The following FRMD4A variants were observed in gnomAD, a reference collection of about 807,000 sequenced individuals.
FRMD4A encodes the protein FERM domain containing 4A.
Under a neutral mutation model 129.1 loss-of-function variants are expected in FRMD4A, and 29 were observed. The observed-to-expected ratio is 0.22, with a 90% CI of 0.17 to 0.31. The LOEUF (loss-of-function observed/expected upper bound fraction) is 0.31, where lower values mean the gene tolerates loss of function less well. Among genes scored for constraint, FRMD4A ranks in the 10% least tolerant of loss-of-function variants. The probability of loss-of-function intolerance (pLI) is 1.00; values close to 1 mark genes in which losing one functional copy is unlikely to be tolerated. For missense variants in FRMD4A, 1,272 were observed against 1,375.8 expected (o/e 0.92, Z 1.19); for synonymous variants, 634 against 571.6 (o/e 1.11, Z -1.56).
intron 6 of FRMD4A, among the ~76,000 whole-genome samples, chr10:13,764,520 AAC>A (rs1180235085): frequency 6.6e-6 from 1 of 151,472 alleles, no homozygotes; most frequent in East Asian, 1.9e-4. Flanking sequence ...CAAACAAACA[AAC>A]AAACAAACAA....
rs576363204 is a variant in FRMD4A at position 14,010,255 on chromosome 10, G to C, written c.46-151343C>G. Among the ~76,000 whole-genome samples the C allele has an allele frequency of 7.9e-5, 12 of 152,302 alleles. No homozygotes were observed. The South Asian group carries it at 2.5e-3, about 32-fold the overall frequency. The stretch of plus-strand genomic sequence containing the variant: ...TCCTGTTTCCCAGGGGTATTAATGA[G>C]TGTTTCACTGTGGAGCTTAGGCTTA... On this transcript the variant is annotated intron_variant, in intron 2 of 24. Transcript: ENST00000357447.
chr10:14,171,471 C>T (rs1841472827), intron 2 of FRMD4A, among the ~76,000 whole-genome samples: 1 of 152,228 alleles, frequency 6.6e-6, no homozygotes, highest in African/African-American at 2.4e-5. Flanking sequence ...AGGCCAGCTG[C>T]CACCCTGTCT....
At chr10:13,914,682 G>A (rs2094979832) in intron 2 of FRMD4A, among the ~76,000 whole-genome samples, 1 of 152,080 alleles carries the variant, frequency 6.6e-6, no homozygotes, top group African/African-American at 2.4e-5. Flanking sequence ...CTACTTACGT[G>A]TAGGAGGAGA....
intron 2 of FRMD4A, among the ~76,000 whole-genome samples, chr10:13,884,182 A>ACACGCT (rs1731136973): frequency 1.8e-5 from 1 of 56,380 alleles, no homozygotes; most frequent in African/African-American, 5.8e-5. Context: ...ACACTCACAC[A>ACACGCT]CACACACACA....
At chr10:13,778,385 C>A (rs774778705) in intron 6 of FRMD4A, among the ~76,000 whole-genome samples, 1 of 152,084 alleles carries the variant, frequency 6.6e-6, no homozygotes, top group African/African-American at 2.4e-5. Context: ...CGGCAAAACC[C>A]CAAAATGCTG....
intron 2 of FRMD4A, among the ~76,000 whole-genome samples, chr10:14,287,365 A>G (rs146882907): frequency 4.6e-4 from 70 of 152,286 alleles, no homozygotes; most frequent in African/African-American, 1.6e-3. Context: ...TCCTTTTTGT[A>G]TCCTCTCATG....
At chr10:13,780,100 T>C (rs978505973) in intron 6 of FRMD4A, among the ~76,000 whole-genome samples, 6 of 152,088 alleles carry the variant, frequency 3.9e-5, no homozygotes, top group Non-Finnish European at 5.9e-5. Flanking sequence ...CCAAGGTGGA[T>C]GGATCAACTT....
Position 14,330,765 on chromosome 10 carries a change from A to G in FRMD4A, c.-250T>C. The G allele has an allele frequency of 2.5e-6, 1 of 398,652 alleles. No individual in the cohort carries two copies. Among genetic ancestry groups the G allele is most frequent in the East Asian group, 3.6e-5 (1 of 28,060 alleles). 24.7% of individuals were successfully genotyped at this position (398,652 alleles called of 1,614,324 possible). On this transcript the variant is annotated 5_prime_UTR_variant, in exon 1 of 25. Coordinates refer to ENST00000357447, the MANE Select transcript of FRMD4A (RefSeq NM_018027.5). ...CGAGGAGGAAGTCACTTAGGAACTG[A>G]CCCTTCCACCTTCCCCAGATCTACT...
intron 2 of FRMD4A, among the ~76,000 whole-genome samples, chr10:13,979,839 G>A (rs1201168589): frequency 6.6e-6 from 1 of 152,192 alleles, no homozygotes; most frequent in Non-Finnish European, 1.5e-5. Flanking sequence ...CACAGGCTAT[G>A]GCTTCTCTTG....
At chr10:13,735,812 G>C (rs1278019769) in intron 12 of FRMD4A, among the ~76,000 whole-genome samples, 2 of 152,166 alleles carry the variant, frequency 1.3e-5, no homozygotes, top group African/African-American at 4.8e-5. Flanking sequence ...AGGCTTTAGG[G>C]AGTATTCTTG....
intron 2 of FRMD4A, among the ~76,000 whole-genome samples, chr10:13,984,067 C>T (rs1324667282): frequency 6.6e-6 from 1 of 151,950 alleles, no homozygotes; most frequent in African/African-American, 2.4e-5. Context: ...CGGTAGTGAG[C>T]CACTGATGAG....
intron 3 of FRMD4A, among the ~76,000 whole-genome samples, chr10:13,841,863 G>A (rs946375577): frequency 6.6e-6 from 1 of 152,170 alleles, no homozygotes; most frequent in African/African-American, 2.4e-5. Flanking sequence ...CAAAGTAAAG[G>A]TAGTATGGGG....
At chr10:14,278,386 C>T (rs1845410501) in intron 2 of FRMD4A, among the ~76,000 whole-genome samples, 1 of 152,180 alleles carries the variant, frequency 6.6e-6, no homozygotes, top group Non-Finnish European at 1.5e-5. Flanking sequence ...GCTCAGGCTC[C>T]GGCTGTGGCT....
At chr10:14,262,039 C>T (rs1844824697) in intron 2 of FRMD4A, among the ~76,000 whole-genome samples, 1 of 152,006 alleles carries the variant, frequency 6.6e-6, no homozygotes, top group African/African-American at 2.4e-5. Flanking sequence ...CTCTCCACCT[C>T]TCTTTACCTG....
At chr10:13,712,416 A>G (rs763203652) in intron 12 of FRMD4A, among the ~76,000 whole-genome samples, 1 of 152,076 alleles carries the variant, frequency 6.6e-6, no homozygotes, top group Non-Finnish European at 1.5e-5. Flanking sequence ...CCGGAGGCTG[A>G]GGCAGGAGAA....
intron 2 of FRMD4A, among the ~76,000 whole-genome samples, chr10:14,029,810 GAAAAA>G (rs11310080): frequency 0.18 from 27,164 of 147,812 alleles, 3,728 homozygotes; most frequent in African/African-American, 0.39. Context: ...CAGTTTACAT[GAAAAA>G]AAAAAAAAAA....
intron 2 of FRMD4A, among the ~76,000 whole-genome samples, chr10:14,111,526 A>G (rs1005655647): frequency 1.3e-5 from 2 of 152,198 alleles, no homozygotes; most frequent in African/African-American, 4.8e-5. Context: ...CTAAGCTTGC[A>G]GCACTATGGT....
intron 2 of FRMD4A, among the ~76,000 whole-genome samples, chr10:13,952,415 C>G (rs979411691): frequency 1.1e-4 from 17 of 151,958 alleles, no homozygotes; most frequent in South Asian, 4.2e-4. Flanking sequence ...GATGGAGGAT[C>G]ACTTGAGCCC....
At chr10:13,876,885 T>C (rs1194413175) in intron 2 of FRMD4A, among the ~76,000 whole-genome samples, 5 of 152,104 alleles carry the variant, frequency 3.3e-5, no homozygotes, top group African/African-American at 1.2e-4. Context: ...AGGTACTATA[T>C]AAATTAATTT....
Sources: allele counts gnomAD v4.1 joint callset (sites outside exome capture counted in the v4.1 genomes callset), GRCh38; gene constraint gnomAD v4.1.1; transcripts MANE v1.5; gene names NCBI Gene and HGNC (gene_info 2026-07-23, HGNC 2026-07-21).